TUB: variants seen among roughly 807,000 people sequenced by gnomAD.
TUB encodes the protein tubby protein homolog.
A neutral mutation model predicts 59.7 loss-of-function variants in TUB; 33 were observed. That is an observed-to-expected ratio of 0.55 (90% CI 0.42 to 0.74). The LOEUF (loss-of-function observed/expected upper bound fraction) is 0.74, where lower values mean the gene tolerates loss of function less well. Among genes scored for constraint, TUB ranks in the 30% least tolerant of loss-of-function variants. TUB has a pLI of 0.00. For missense variants in TUB, 659 were observed against 672.0 expected (o/e 0.98, Z 0.21); for synonymous variants, 293 against 256.4 (o/e 1.14, Z -1.36).
At chr11:8,070,690 C>A (rs1378315620) in intron 2 of TUB, among the ~76,000 whole-genome samples, 2 of 152,238 alleles carry the variant, frequency 1.3e-5, no homozygotes, top group Non-Finnish European at 2.9e-5. Context: ...TAACTTCAGT[C>A]TCAGCCATAG....
At chr11:8,089,977 T>C in intron 2 of TUB, 92 bp from the exon 3 acceptor site, 1 of 1,454,126 alleles carries the variant, frequency 6.9e-7, no homozygotes, top group African/African-American at 1.4e-5. Context: ...ACATGGGGCC[T>C]TGGCCCAAGG....
At chr11:8,075,159 C>T (rs1943429161) in intron 2 of TUB, among the ~76,000 whole-genome samples, 1 of 151,404 alleles carries the variant, frequency 6.6e-6, no homozygotes, top group South Asian at 2.1e-4. Context: ...TGTTTATCTT[C>T]CCCCAGCCAA....
chr11:8,044,636 TG>T (rs1044515023), intron 2 of TUB, among the ~76,000 whole-genome samples: 13 of 152,218 alleles, frequency 8.5e-5, no homozygotes, highest in African/African-American at 2.9e-4. Flanking sequence ...AATTTGATTC[TG>T]GTACTAATTA....
intron 2 of TUB, among the ~76,000 whole-genome samples, chr11:8,058,335 TTGTC>T (rs1410474218): frequency 2.0e-5 from 3 of 152,172 alleles, no homozygotes; most frequent in Admixed American, 1.3e-4. Context: ...TTCCCTGCGC[TTGTC>T]TGTTGTGTCT....
intron 1 of TUB, among the ~76,000 whole-genome samples, chr11:8,081,803 C>T (rs1056962265): frequency 4.6e-5 from 7 of 152,226 alleles, no homozygotes; most frequent in Non-Finnish European, 1.0e-4. Context: ...TCAGGCAGCA[C>T]CATGTGGCCG....
At chr11:8,082,753 G>C (rs1943594472) in intron 1 of TUB, among the ~76,000 whole-genome samples, 1 of 152,194 alleles carries the variant, frequency 6.6e-6, no homozygotes, top group African/African-American at 2.4e-5. Flanking sequence ...ACCGCCCAAG[G>C]CTTCTTAAAA....
intron 2 of TUB, among the ~76,000 whole-genome samples, chr11:8,041,586 G>A (rs1171122525): frequency 2.6e-5 from 4 of 152,138 alleles, no homozygotes; most frequent in African/African-American, 4.8e-5. Flanking sequence ...TTCCACCTGT[G>A]AAACCTTAAT....
At chr11:8,022,861 C>A (rs1942449553) in intron 1 of TUB, among the ~76,000 whole-genome samples, 1 of 152,194 alleles carries the variant, frequency 6.6e-6, no homozygotes, top group Non-Finnish European at 1.5e-5. Flanking sequence ...TGCCACTGCA[C>A]TCCAGCCTGG....
chr11:8,097,739 G>C lies in TUB; in HGVS notation c.911G>C (p.Arg304Thr), dbSNP rs1320805236. ...GTGTTCCTCCTGGCGGGAAGGAAGA[G>C]AAAGAAGAGTAAAACTTCCAATTAC... ...KKVFLLAGRK[R>T]KKSKTSNYLI... is the part of the protein sequence containing the mutation. Residue 304 changes from arginine (R) to threonine (T), a missense_variant, in exon 8 of 12, where the codon AGA (arginine) becomes ACA (threonine). By Grantham distance (71) the Arg-to-Thr change is moderately conservative. Transcript: ENST00000299506. 6.2e-7 allele frequency: 1 copy of C among 1,614,046 alleles called. No individual in the cohort carries two copies. Among genetic ancestry groups the C allele is most frequent in the Non-Finnish European group, 8.5e-7 (1 of 1,179,918 alleles).
chr11:8,045,240 G>A (rs577654910), intron 2 of TUB, among the ~76,000 whole-genome samples: 229 of 152,140 alleles, frequency 1.5e-3, no homozygotes, highest in South Asian at 6.5e-3. Context: ...GTTGAAAGTG[G>A]CTTATTGAGA....
upstream of TUB, among the ~76,000 whole-genome samples, chr11:8,080,793 G>A (rs1292094665): frequency 6.6e-6 from 1 of 152,182 alleles, no homozygotes; most frequent in Non-Finnish European, 1.5e-5. Context: ...AGGTGGGGGT[G>A]AGGGAAGGCC....
chr11:8,019,740 G>T (rs1349640876), intron 1 of TUB, among the ~76,000 whole-genome samples: 1 of 151,782 alleles, frequency 6.6e-6, no homozygotes, highest in Non-Finnish European at 1.5e-5. Flanking sequence ...GGCGGGGCGA[G>T]GAGGGGGCGC....
At chr11:8,084,321 A>C (rs80312388) in intron 1 of TUB, among the ~76,000 whole-genome samples, 16 of 152,214 alleles carry the variant, frequency 1.1e-4, no homozygotes, top group African/African-American at 3.4e-4. Flanking sequence ...TCACATTCTG[A>C]GTTCAAAGGG....
In TUB at chr11:8,105,720, A is replaced by G. The variant is rs1236190014; in HGVS notation, c.*4101A>G. ...CTTTATAGCTCTCATCACTACCTTT[A>G]TAGCTCATCACTGTGCCTTTTTTTC... On this transcript the variant is annotated 3_prime_UTR_variant, in exon 12 of 12. Transcript: ENST00000299506. 2 of 151,636 alleles carry G rather than the reference A, an allele frequency of 1.3e-5. No homozygotes were observed. The highest frequency in any genetic ancestry group is 4.9e-5 in the African/African-American group (2 of 40,960). The allele number at this position is 151,636 out of a possible 1,614,324, so 9.4% of individuals were successfully genotyped here.
chr11:8,069,402 G>T (rs867681718), intron 2 of TUB: 1 of 71,298 alleles, frequency 1.4e-5, no homozygotes, highest in Non-Finnish European at 3.2e-5. Flanking sequence ...ATTCTTTCGG[G>T]GGGGGGGGGT....
At position 8,038,747 on chromosome 11, in the gene TUB, TGAAG is replaced by T. The variant is rs574695195; in HGVS notation, c.-125_-122del. 1.0e-4 allele frequency: 154 copies of T among 1,506,390 alleles called. No individual in the cohort carries two copies. In the African/African-American group the frequency reaches 1.8e-3, roughly 17 times the overall value. 93.3% of individuals were successfully genotyped at this position (1,506,390 alleles called of 1,614,324 possible). The stretch of plus-strand genomic sequence containing the variant: ...GTTAGTCTGACTGTTGCCACGGTGA[TGAAG>T]GGAGACATCCAAGTGCTGGTTTCAG... On this transcript the variant is annotated 5_prime_UTR_variant, in exon 1 of 13. Transcript: ENST00000305253.
At chr11:8,058,185 C>G (rs1382689023) in intron 2 of TUB, among the ~76,000 whole-genome samples, 1 of 147,954 alleles carries the variant, frequency 6.8e-6, no homozygotes, top group Non-Finnish European at 1.5e-5. Flanking sequence ...GCACTCCAGC[C>G]TGGGCTACAG....
chr11:8,093,447 G>C (rs1235851605), intron 3 of TUB, among the ~76,000 whole-genome samples: 1 of 152,200 alleles, frequency 6.6e-6, no homozygotes, highest in Non-Finnish European at 1.5e-5. Context: ...AACCATTCAA[G>C]GATTTTGAGC....
chr11:8,082,722 C>T (rs570312863), intron 1 of TUB, among the ~76,000 whole-genome samples: 1 of 152,330 alleles, frequency 6.6e-6, no homozygotes, highest in East Asian at 1.9e-4. Flanking sequence ...CAGACAGCGT[C>T]CCAAATGGAA....
Sources: gnomAD v4.1 joint callset for allele counts (sites outside exome capture counted in the v4.1 genomes callset) on GRCh38, gnomAD v4.1.1 for gene constraint, MANE v1.5 for transcripts, NCBI Gene and HGNC (gene_info 2026-07-23, HGNC 2026-07-21) for gene names.